Variants in CDK17 observed in about 807,000 individuals in gnomAD.
The protein encoded by CDK17 is cyclin-dependent kinase 17.
CDK17 carries 24 observed loss-of-function variants against 77.6 expected under a neutral mutation model. The ratio of observed to expected loss-of-function variants is 0.31; its 90% confidence interval spans 0.22 to 0.44. CDK17 has a LOEUF of 0.44. CDK17 is among the 20% of genes least tolerant of loss of function. The probability of loss-of-function intolerance (pLI) is 1.00; values close to 1 mark genes in which losing one functional copy is unlikely to be tolerated. For missense variants in CDK17, 429 were observed against 622.5 expected (o/e 0.69, Z 3.31); for synonymous variants, 203 against 210.4 (o/e 0.96, Z 0.30).
rs747626982 is a variant in CDK17, at chr12:96,334,746, T to C, written c.91A>G (p.Ile31Val). 14 of 1,605,440 alleles carry C rather than the reference T, an allele frequency of 8.7e-6. No individual in the cohort carries two copies. The Admixed American group carries it at 1.7e-4, about 19-fold the overall frequency. Reference sequence around the variant, plus strand: ...TTATCCTTGCTGCTGTTTTCTTCAATAGTCATTTGTTCAGCCAATTCAGAC... The same window carrying C: ...TTATCCTTGCTGCTGTTTTCTTCAACAGTCATTTGTTCAGCCAATTCAGAC... ...SLSELAEQMT[I>V]EENSSKDNEP... The change falls in exon 2 of 17, where the codon ATT (isoleucine) becomes GTT (valine). Residue 31 changes from isoleucine to valine, a missense_variant. By Grantham distance (29) the Ile-to-Val change is conservative. Coordinates refer to ENST00000261211, the MANE Select transcript of CDK17 (RefSeq NM_002595.5).
chr12:96,362,839 G>C (rs933221371), intron 1 of CDK17, among the ~76,000 whole-genome samples: 1 of 152,150 alleles, frequency 6.6e-6, no homozygotes, highest in Non-Finnish European at 1.5e-5. Context: ...TTTTGGTCTT[G>C]GAGGAATGTA....
rs1229529342 is a variant in CDK17, at chr12:96,280,659, G to A, written c.1534+149C>T. On this transcript the variant is annotated intron_variant, in intron 16 of 16. Transcript: ENST00000261211. ...CTGCCCACATCATACAGAAAAGTGA[G>A]TACGTGCAATGCTAAACATAAACAG... is the stretch of plus-strand genomic sequence containing the variant. 11 of 1,434,668 alleles carry A rather than the reference G, an allele frequency of 7.7e-6. No homozygotes were observed. In the South Asian group the frequency reaches 7.7e-5, roughly 10 times the overall value. The allele number at this position is 1,434,668 out of a possible 1,614,324, so 88.9% of individuals were successfully genotyped here. A position where few individuals can be genotyped will look rare whatever the true frequency, so the allele number is the denominator to read the frequency against.
chr12:96,316,536 C>A (rs1472089147), intron 3 of CDK17, among the ~76,000 whole-genome samples: 1 of 149,588 alleles, frequency 6.7e-6, no homozygotes, highest in Non-Finnish European at 1.5e-5. Flanking sequence ...GCAGGAACCT[C>A]TGCAGACTTA....
At chr12:96,381,560 T>G (rs1421472058) in intron 1 of CDK17, among the ~76,000 whole-genome samples, 1 of 152,014 alleles carries the variant, frequency 6.6e-6, no homozygotes, top group Non-Finnish European at 1.5e-5. Flanking sequence ...GCAATTTTCC[T>G]CCCATAAACT....
chr12:96,280,596 C>T lies in CDK17; in HGVS notation c.1534+212G>A, dbSNP rs543031286. On this transcript the variant is annotated intron_variant, in intron 16 of 16. Coordinates refer to ENST00000261211, the MANE Select transcript of CDK17 (RefSeq NM_002595.5). ...CATCTGCAGCTTTCAGGATCCCTGACTTGACTGAGTCAGATTTTTCTCTGA... is the reference window on the plus strand; with the variant it reads ...CATCTGCAGCTTTCAGGATCCCTGATTTGACTGAGTCAGATTTTTCTCTGA... The T allele has an allele frequency of 7.4e-5, 105 of 1,414,688 alleles. No individual in the cohort carries two copies. The South Asian group carries it at 1.6e-3, about 22-fold the overall frequency. 87.6% of individuals were successfully genotyped at this position (1,414,688 alleles called of 1,614,324 possible). A position where few individuals can be genotyped will look rare whatever the true frequency, so the allele number is the denominator to read the frequency against.
At chr12:96,358,286 A>G (rs1354672172) in intron 1 of CDK17, among the ~76,000 whole-genome samples, 3 of 149,998 alleles carry the variant, frequency 2.0e-5, no homozygotes, top group African/African-American at 7.3e-5. Context: ...TTATTGCTGT[A>G]TAACTACATA....
intron 3 of CDK17, among the ~76,000 whole-genome samples, chr12:96,322,485 C>T (rs1472856310): frequency 6.6e-6 from 1 of 150,598 alleles, no homozygotes; most frequent in Non-Finnish European, 1.5e-5. Context: ...TTACTAACTG[C>T]CCCCTTACAA....
intron 1 of CDK17, among the ~76,000 whole-genome samples, chr12:96,346,924 A>G (rs1046156410): frequency 1.3e-5 from 2 of 151,970 alleles, no homozygotes; most frequent in African/African-American, 4.8e-5. Flanking sequence ...AAAAAAAAAA[A>G]AGAGAGAGAA....
Position 96,310,922 on chromosome 12 carries a change from G to C in CDK17, c.543+130C>G, listed in dbSNP as rs745726718. ...TTAAGAATGGAAAATAATAAAAATC[G>C]AGAAGGCAATATAATAAAATTTAGC... On this transcript the variant is annotated intron_variant, in intron 5 of 16. Coordinates refer to ENST00000261211, the MANE Select transcript of CDK17 (RefSeq NM_002595.5). 2.0e-4 allele frequency: 184 copies of C among 914,846 alleles called. 1 individual carries two copies. The highest frequency in any genetic ancestry group is 1.3e-3 in the Admixed American group (46 of 34,342). The allele number at this position is 914,846 out of a possible 1,614,324, so 56.7% of individuals were successfully genotyped here.
At chr12:96,293,626 G>A (rs972085326) in intron 10 of CDK17, among the ~76,000 whole-genome samples, 2 of 152,134 alleles carry the variant, frequency 1.3e-5, no homozygotes, top group African/African-American at 4.8e-5. Context: ...AACCTATAAC[G>A]ATGAACTTCT....
intron 3 of CDK17, among the ~76,000 whole-genome samples, chr12:96,314,896 C>A (rs926864187): frequency 3.3e-5 from 5 of 152,136 alleles, no homozygotes; most frequent in Non-Finnish European, 7.4e-5. Flanking sequence ...TCAGTGAAGT[C>A]TTTTCTAATC....
chr12:96,397,737 T>A (rs1055819364), intron 1 of CDK17, among the ~76,000 whole-genome samples: 13 of 152,328 alleles, frequency 8.5e-5, no homozygotes, highest in African/African-American at 3.1e-4. Flanking sequence ...TCTAATTCGA[T>A]ACTGATAAAT....
chr12:96,345,758 C>G (rs966241982), intron 1 of CDK17, among the ~76,000 whole-genome samples: 1 of 151,326 alleles, frequency 6.6e-6, no homozygotes. Flanking sequence ...CTCAAGGTAA[C>G]CACTAAAAAA....
intron 1 of CDK17, among the ~76,000 whole-genome samples, chr12:96,391,724 T>G (rs1160646832): frequency 6.6e-6 from 1 of 152,206 alleles, no homozygotes; most frequent in Non-Finnish European, 1.5e-5. Flanking sequence ...ACAACAATCT[T>G]TGAAGGCCAC....
rs181756879 is a variant in CDK17 at position 96,364,598 on chromosome 12, G to A, written c.-29-29733C>T. On this transcript the variant is annotated intron_variant, in intron 1 of 16. Transcript: ENST00000261211. ...GTTCTGTTTGGTTTTTGGCTGCTCT[G>A]TTCTTTTCCCATCGTTTTCTCCTTT... Among the ~76,000 whole-genome samples, 8 of 152,132 alleles carry A rather than the reference G, an allele frequency of 5.3e-5. No individual in the cohort carries two copies. The East Asian group carries it at 1.4e-3, about 26-fold the overall frequency.
intron 13 of CDK17, among the ~76,000 whole-genome samples, chr12:96,283,858 T>C (rs1952209349): frequency 6.6e-6 from 1 of 152,224 alleles, no homozygotes; most frequent in South Asian, 2.1e-4. Flanking sequence ...TTGGCTTCAA[T>C]TTGAATTTTC....
chr12:96,329,663 A>G (rs1170720079), intron 2 of CDK17, among the ~76,000 whole-genome samples: 1 of 152,156 alleles, frequency 6.6e-6, no homozygotes, highest in East Asian at 1.9e-4. Flanking sequence ...TATTTGTTGG[A>G]GTTAGTCCTC....
At chr12:96,292,641 GA>G (rs979527246) in intron 10 of CDK17, among the ~76,000 whole-genome samples, 13 of 151,858 alleles carry the variant, frequency 8.6e-5, no homozygotes, top group African/African-American at 1.9e-4. Flanking sequence ...AATCATTTAT[GA>G]AAAAAAATTA....
intron 3 of CDK17, among the ~76,000 whole-genome samples, chr12:96,314,906 C>A (rs766119784): frequency 6.6e-6 from 1 of 152,182 alleles, no homozygotes; most frequent in Non-Finnish European, 1.5e-5. Context: ...CTTTTCTAAT[C>A]TCAGACACAG....
Sources: gnomAD v4.1 joint callset for allele counts (sites outside exome capture counted in the v4.1 genomes callset) on GRCh38, gnomAD v4.1.1 for gene constraint, MANE v1.5 for transcripts, NCBI Gene and HGNC (gene_info 2026-07-23, HGNC 2026-07-21) for gene names.